The following MRPS28 variants were observed in gnomAD, a reference collection of about 807,000 sequenced individuals.
MRPS28 encodes small ribosomal subunit protein bS1m.
A neutral mutation model predicts 10.8 loss-of-function variants in MRPS28; 7 were observed. The observed-to-expected ratio is 0.65, with a 90% confidence interval of 0.37 to 1.22. MRPS28 has a LOEUF of 1.22. Ranked by LOEUF, MRPS28 falls within the 50% of genes most tolerant of loss-of-function variation. The pLI is 0.02. For synonymous variants in MRPS28, 121 were observed against 93.3 expected, an observed-to-expected ratio of 1.30 and a Z score of -1.71; for missense variants, 265 against 232.9, an observed-to-expected ratio of 1.14 and a Z score of -0.90.
At chr8:80,005,747 G>A (rs1240825449) in intron 1 of MRPS28, among the ~76,000 whole-genome samples, 13 of 152,242 alleles carry the variant, frequency 8.5e-5, no homozygotes, top group Admixed American at 1.3e-4. Context: ...CCCATCTCAC[G>A]TGCAGAGACA....
intron 2 of MRPS28, among the ~76,000 whole-genome samples, chr8:79,923,076 C>T (rs1478079409): frequency 6.6e-6 from 1 of 151,992 alleles, no homozygotes; most frequent in Non-Finnish European, 1.5e-5. Context: ...TTTGTAAAAT[C>T]TGGAAAATGA....
At chr8:79,988,137 C>T (rs1213593651) in intron 2 of MRPS28, among the ~76,000 whole-genome samples, 8 of 151,406 alleles carry the variant, frequency 5.3e-5, no homozygotes, top group East Asian at 3.9e-4. Flanking sequence ...ATGGATGAAA[C>T]TGGAAATCAT....
chr8:79,987,231 A>C (rs1238033236), intron 2 of MRPS28, among the ~76,000 whole-genome samples: 1 of 152,110 alleles, frequency 6.6e-6, no homozygotes, highest in Non-Finnish European at 1.5e-5. Context: ...ATATGTAGAA[A>C]GCTGAAACTG....
intron 2 of MRPS28, among the ~76,000 whole-genome samples, chr8:79,998,875 A>T (rs1162846762): frequency 1.3e-5 from 2 of 152,248 alleles, no homozygotes; most frequent in Non-Finnish European, 1.5e-5. Context: ...ATTAGTTGTT[A>T]TAAGTCTGAA....
chr8:80,024,466 T>C (rs2130250509), intron 1 of MRPS28, among the ~76,000 whole-genome samples: 1 of 152,302 alleles, frequency 6.6e-6, no homozygotes, highest in South Asian at 2.1e-4. Flanking sequence ...AAGAACTTCA[T>C]GATGCATTGC....
At chr8:79,932,887 G>C (rs770558248) in intron 2 of MRPS28, among the ~76,000 whole-genome samples, 2 of 152,070 alleles carry the variant, frequency 1.3e-5, no homozygotes, top group African/African-American at 2.4e-5. Flanking sequence ...CATTCTTCTT[G>C]GTTTAACAAA....
intron 2 of MRPS28, among the ~76,000 whole-genome samples, chr8:79,941,990 G>A (rs1806782207): frequency 6.6e-6 from 1 of 152,174 alleles, no homozygotes; most frequent in African/African-American, 2.4e-5. Context: ...ACTTAATGTA[G>A]TCAGATGGTA....
intron 2 of MRPS28, among the ~76,000 whole-genome samples, chr8:79,985,695 C>T (rs1183966633): frequency 3.3e-5 from 5 of 152,100 alleles, no homozygotes; most frequent in Non-Finnish European, 5.9e-5. Flanking sequence ...ATAAATTCCT[C>T]GACACATACA....
At chr8:79,970,722 T>C (rs751313277) in intron 2 of MRPS28, among the ~76,000 whole-genome samples, 1 of 152,220 alleles carries the variant, frequency 6.6e-6, no homozygotes, top group Non-Finnish European at 1.5e-5. Flanking sequence ...GGCATGAAAC[T>C]ATCACAATTA....
rs531461354 is a variant in MRPS28, at chr8:79,948,563, T to C, written c.396-29415A>G. 3.1e-3 allele frequency among the ~76,000 whole-genome samples: 472 copies of C among 152,310 alleles called. 3 individuals are homozygous for C. Among genetic ancestry groups the C allele is most frequent in the Middle Eastern group, 6.8e-3 (2 of 294 alleles). ...ATGTCTTATTTCTGATTTTAGAAAA[T>C]ATCAAGGCTTTCACAGCTGAGTTTG... On this transcript the variant is annotated intron_variant, in intron 2 of 2. Coordinates refer to ENST00000276585, the MANE Select transcript of MRPS28 (RefSeq NM_014018.3).
At chr8:79,946,745 G>A (rs115547550) in intron 2 of MRPS28, among the ~76,000 whole-genome samples, 242 of 152,066 alleles carry the variant, frequency 1.6e-3, no homozygotes, top group African/African-American at 5.5e-3. Flanking sequence ...GGAAAAAAAC[G>A]CTTCTCAGCA....
chr8:80,017,361 T>C (rs1248129739), intron 1 of MRPS28, among the ~76,000 whole-genome samples: 1 of 152,180 alleles, frequency 6.6e-6, no homozygotes, highest in Non-Finnish European at 1.5e-5. Context: ...TGAGGTAAGC[T>C]TCTAGCCAGA....
At chr8:80,014,964 T>C (rs889966836) in intron 1 of MRPS28, among the ~76,000 whole-genome samples, 1 of 152,162 alleles carries the variant, frequency 6.6e-6, no homozygotes, top group African/African-American at 2.4e-5. Context: ...GACAAGTGAA[T>C]GCAGAGAACT....
chr8:79,982,025 T>A (rs956857417), intron 2 of MRPS28, among the ~76,000 whole-genome samples: 1 of 152,158 alleles, frequency 6.6e-6, no homozygotes, highest in Non-Finnish European at 1.5e-5. Context: ...GGCAGGTGGA[T>A]CACTTGAGGT....
At chr8:80,029,380 TTTAA>T (rs1389298737) in intron 1 of MRPS28, among the ~76,000 whole-genome samples, 2 of 152,168 alleles carry the variant, frequency 1.3e-5, no homozygotes, top group East Asian at 1.9e-4. Flanking sequence ...GTCTGCTGAG[TTTAA>T]TTATTAAAAA....
At chr8:79,969,735 AT>A (rs1476265541) in intron 2 of MRPS28, among the ~76,000 whole-genome samples, 3 of 151,990 alleles carry the variant, frequency 2.0e-5, no homozygotes, top group African/African-American at 4.8e-5. Context: ...AAATAAAAAA[AT>A]AAATTAAAAA....
At chr8:79,930,589 T>C (rs1361085771) in intron 2 of MRPS28, among the ~76,000 whole-genome samples, 1 of 152,218 alleles carries the variant, frequency 6.6e-6, no homozygotes, top group Non-Finnish European at 1.5e-5. Context: ...CAAAGCTGCA[T>C]TCACTTATTT....
chr8:79,977,845 A>G (rs1430741866), intron 2 of MRPS28, among the ~76,000 whole-genome samples: 1 of 151,566 alleles, frequency 6.6e-6, no homozygotes, highest in Non-Finnish European at 1.5e-5. Flanking sequence ...ATAATACATA[A>G]AGATATATGT....
At chr8:79,987,329 G>A (rs1464697563) in intron 2 of MRPS28, among the ~76,000 whole-genome samples, 1 of 152,160 alleles carries the variant, frequency 6.6e-6, no homozygotes, top group Admixed American at 6.5e-5. Context: ...AACCCTAGAA[G>A]AAAACCTAGG....
Sources: allele counts gnomAD v4.1 joint callset (sites outside exome capture counted in the v4.1 genomes callset), GRCh38; gene constraint gnomAD v4.1.1; transcripts MANE v1.5; gene names NCBI Gene and HGNC (gene_info 2026-07-23, HGNC 2026-07-21).